SERPINI1: variants seen among roughly 807,000 people sequenced by gnomAD.
The protein encoded by SERPINI1 is serpin family I member 1.
Under a neutral mutation model 41.1 loss-of-function variants are expected in SERPINI1, and 19 were observed. That is an observed-to-expected ratio of 0.46 (90% CI 0.32 to 0.68). SERPINI1 has a LOEUF of 0.68. Ranked by LOEUF, SERPINI1 falls within the 30% of genes least tolerant of loss-of-function variation. The probability of loss-of-function intolerance (pLI) is 0.03; values close to 1 mark genes in which losing one functional copy is unlikely to be tolerated. For synonymous variants in SERPINI1, 138 were observed against 156.6 expected (o/e 0.88, Z 0.89); for missense variants, 460 against 479.2 (o/e 0.96, Z 0.37).
intron 1 of SERPINI1, among the ~76,000 whole-genome samples, chr3:167,782,720 A>G (rs2108552516): frequency 1.3e-5 from 2 of 152,272 alleles, no homozygotes; most frequent in Non-Finnish European, 2.9e-5. Context: ...ATTTCAAAGG[A>G]GGGAGGAAGT....
At chr3:167,765,451 CA>C (rs746088480) in intron 1 of SERPINI1, among the ~76,000 whole-genome samples, 1 of 152,340 alleles carries the variant, frequency 6.6e-6, no homozygotes, top group East Asian at 1.9e-4. Flanking sequence ...GGCTAGGACG[CA>C]GTGCACCAAG....
At chr3:167,804,005 A>G (rs1019539421) in intron 5 of SERPINI1, among the ~76,000 whole-genome samples, 5 of 152,232 alleles carry the variant, frequency 3.3e-5, no homozygotes, top group Non-Finnish European at 5.9e-5. Context: ...AATAGTAGCA[A>G]TAAGCAAACG....
intron 5 of SERPINI1, among the ~76,000 whole-genome samples, chr3:167,799,709 T>C (rs1481190061): frequency 6.6e-6 from 1 of 152,194 alleles, no homozygotes; most frequent in Non-Finnish European, 1.5e-5. Context: ...CACCTGTTGT[T>C]TTCTGACTTT....
chr3:167,817,009 G>A (rs1712116752), intron 6 of SERPINI1, among the ~76,000 whole-genome samples: 1 of 151,996 alleles, frequency 6.6e-6, no homozygotes, highest in African/African-American at 2.4e-5. Context: ...AGGTATGGAG[G>A]TTTGCAATAT....
intron 1 of SERPINI1, among the ~76,000 whole-genome samples, chr3:167,771,374 A>G (rs1726742560): frequency 6.6e-6 from 1 of 152,216 alleles, no homozygotes; most frequent in Admixed American, 6.5e-5. Context: ...AATAGTATCC[A>G]ACATATGCTG....
At chr3:167,775,592 T>C (rs1163548275) in intron 1 of SERPINI1, among the ~76,000 whole-genome samples, 3 of 152,146 alleles carry the variant, frequency 2.0e-5, no homozygotes, top group African/African-American at 7.2e-5. Flanking sequence ...ACTTTTAAAA[T>C]TTTATTACAC....
chr3:167,774,901 G>A (rs1216513387), intron 1 of SERPINI1, among the ~76,000 whole-genome samples: 1 of 152,022 alleles, frequency 6.6e-6, no homozygotes, highest in East Asian at 1.9e-4. Flanking sequence ...CAGTTGTGAG[G>A]CTGACATTGT....
chr3:167,796,794 T>G (rs921143759), intron 5 of SERPINI1, among the ~76,000 whole-genome samples: 5 of 152,188 alleles, frequency 3.3e-5, no homozygotes, highest in African/African-American at 9.7e-5. Context: ...ATTCCATGTC[T>G]TTGCTATTGT....
chr3:167,803,058 A>G (rs28363836), intron 5 of SERPINI1, among the ~76,000 whole-genome samples: 49,033 of 151,116 alleles, frequency 0.32, 8,649 homozygotes, highest in African/African-American at 0.45. Context: ...ATTCTCACTC[A>G]TAGGTGGGAA....
At chr3:167,786,331 C>T (rs1395939181) in intron 1 of SERPINI1, among the ~76,000 whole-genome samples, 1 of 151,482 alleles carries the variant, frequency 6.6e-6, no homozygotes, top group African/African-American at 2.4e-5. Context: ...GGTGAAACCC[C>T]GTCTCTACTA....
intron 1 of SERPINI1, among the ~76,000 whole-genome samples, chr3:167,756,412 C>T (rs896489750): frequency 3.9e-5 from 6 of 152,200 alleles, no homozygotes; most frequent in African/African-American, 1.4e-4. Flanking sequence ...ATCCTCCCAT[C>T]TCAGCCTCCC....
intron 1 of SERPINI1, among the ~76,000 whole-genome samples, chr3:167,756,136 G>A (rs1691470207): frequency 6.7e-6 from 1 of 149,650 alleles, no homozygotes; most frequent in South Asian, 2.2e-4. Flanking sequence ...AAGTTATTTA[G>A]ATAAACTCCT....
At chr3:167,737,202 A>G (rs1159422534) in intron 1 of SERPINI1, among the ~76,000 whole-genome samples, 1 of 152,090 alleles carries the variant, frequency 6.6e-6, no homozygotes, top group East Asian at 1.9e-4. Context: ...TACTACCGAT[A>G]AGCCTAAGTG....
At chr3:167,759,695 A>G (rs537403755) in intron 1 of SERPINI1, among the ~76,000 whole-genome samples, 1 of 152,170 alleles carries the variant, frequency 6.6e-6, no homozygotes, top group African/African-American at 2.4e-5. Context: ...TTTGGGTGAT[A>G]TTTTCACTAG....
chr3:167,749,865 C>G (rs986092206), intron 1 of SERPINI1, among the ~76,000 whole-genome samples: 7 of 151,992 alleles, frequency 4.6e-5, no homozygotes, highest in Non-Finnish European at 1.0e-4. Context: ...ACTAAGAAAG[C>G]ATAGGTGCCG....
intron 3 of SERPINI1, 21 bp downstream of exon 3, chr3:167,790,623 C>T (rs754327779): frequency 2.3e-5 from 35 of 1,543,002 alleles, no homozygotes; most frequent in Non-Finnish European, 3.0e-5. Context: ...TGGTTCCTTT[C>T]TTCCTCTAGT....
intron 4 of SERPINI1, among the ~76,000 whole-genome samples, chr3:167,793,898 A>G (rs1727628415): frequency 2.0e-5 from 3 of 149,264 alleles, no homozygotes; most frequent in Admixed American, 2.0e-4. Flanking sequence ...ATAGAGCACA[A>G]AGCCAATTGC....
At chr3:167,735,937 C>G (rs1396531900) in intron 1 of SERPINI1, 114 bp downstream of exon 1, 2 of 152,222 alleles carry the variant, frequency 1.3e-5, no homozygotes, top group African/African-American at 4.8e-5. Flanking sequence ...GAAACCGGTG[C>G]AAAACCTCTC....
intron 6 of SERPINI1, among the ~76,000 whole-genome samples, chr3:167,810,055 C>A (rs1210932538): frequency 6.6e-6 from 1 of 152,074 alleles, no homozygotes. Context: ...ATTCCCCATG[C>A]CATGCACACA....
Sources: allele counts gnomAD v4.1 joint callset (sites outside exome capture counted in the v4.1 genomes callset), GRCh38; gene constraint gnomAD v4.1.1; transcripts MANE v1.5; gene names NCBI Gene and HGNC (gene_info 2026-07-23, HGNC 2026-07-21).